ATP2B1: variants seen among roughly 807,000 people sequenced by gnomAD.
ATP2B1 encodes the protein ATPase plasma membrane Ca2+ transporting 1.
In ATP2B1, 14 loss-of-function variants were observed where a neutral mutation model predicts 124.2. That is an observed-to-expected ratio of 0.11 (90% CI 0.07 to 0.18). The LOEUF is 0.18. Ranked by LOEUF, ATP2B1 falls within the 10% of genes least tolerant of loss-of-function variation. The probability of loss-of-function intolerance (pLI) is 1.00; values close to 1 mark genes in which losing one functional copy is unlikely to be tolerated. For missense variants in ATP2B1, 763 were observed against 1,466.1 expected, an observed-to-expected ratio of 0.52 and a Z score of 7.83; for synonymous variants, 449 against 492.4, an observed-to-expected ratio of 0.91 and a Z score of 1.17.
At chr12:89,699,897 T>G (rs1036798302) in intron 1 of ATP2B1, among the ~76,000 whole-genome samples, 2 of 152,084 alleles carry the variant, frequency 1.3e-5, no homozygotes, top group African/African-American at 4.8e-5. Flanking sequence ...CAGGCTGTAG[T>G]GCTGTGGCAC....
intron 11 of ATP2B1, among the ~76,000 whole-genome samples, chr12:89,618,526 C>T (rs1011123038): frequency 4.6e-5 from 7 of 152,220 alleles, no homozygotes; most frequent in African/African-American, 1.4e-4. Flanking sequence ...AGGGTTGAAA[C>T]AGATTTCTAA....
chr12:89,683,371 A>G (rs2097352648), intron 1 of ATP2B1, among the ~76,000 whole-genome samples: 1 of 152,312 alleles, frequency 6.6e-6, no homozygotes, highest in African/African-American at 2.4e-5. Flanking sequence ...ATGGGACTTG[A>G]AGCCAGGTCA....
intron 1 of ATP2B1, among the ~76,000 whole-genome samples, chr12:89,678,532 A>T (rs1413158299): frequency 6.6e-6 from 1 of 152,204 alleles, no homozygotes; most frequent in Non-Finnish European, 1.5e-5. Flanking sequence ...AGTAGTAAAG[A>T]TGGTCACACA....
intron 15 of ATP2B1, among the ~76,000 whole-genome samples, chr12:89,605,715 C>T (rs1876709175): frequency 6.6e-6 from 1 of 152,100 alleles, no homozygotes; most frequent in Non-Finnish European, 1.5e-5. Flanking sequence ...GAAGATGATG[C>T]CACTGAATTC....
At chr12:89,674,226 A>G (rs1888342278) in intron 1 of ATP2B1, among the ~76,000 whole-genome samples, 2 of 152,156 alleles carry the variant, frequency 1.3e-5, no homozygotes, top group Admixed American at 6.6e-5. Context: ...TTTAATTACA[A>G]TTGTGGTAAG....
chr12:89,679,013 C>T (rs547862342), intron 1 of ATP2B1, among the ~76,000 whole-genome samples: 2 of 152,046 alleles, frequency 1.3e-5, no homozygotes, highest in East Asian at 3.9e-4. Flanking sequence ...GTTTGTACCT[C>T]TTGGTTTATG....
intron 3 of ATP2B1, among the ~76,000 whole-genome samples, chr12:89,640,798 A>G (rs1270126426): frequency 6.6e-6 from 1 of 151,928 alleles, no homozygotes; most frequent in Admixed American, 6.6e-5. Flanking sequence ...CCTCAAGGCC[A>G]CCTCTTGCTC....
chr12:89,675,072 C>G (rs2136562603), intron 1 of ATP2B1, among the ~76,000 whole-genome samples: 1 of 152,208 alleles, frequency 6.6e-6, no homozygotes, highest in Middle Eastern at 3.4e-3. Context: ...AAGCTGTCAC[C>G]AAAATTCTTG....
chr12:89,638,795 A>G (rs1883078825), intron 3 of ATP2B1, among the ~76,000 whole-genome samples: 1 of 152,204 alleles, frequency 6.6e-6, no homozygotes, highest in Non-Finnish European at 1.5e-5. Flanking sequence ...TGCTGTGAAA[A>G]GATTGCCACA....
intron 1 of ATP2B1, among the ~76,000 whole-genome samples, chr12:89,689,655 T>C (rs1402274961): frequency 2.0e-5 from 3 of 152,138 alleles, no homozygotes; most frequent in Admixed American, 6.6e-5. Flanking sequence ...ATACGGCTTC[T>C]TACTCCTTAT....
chr12:89,699,481 T>G (rs1891560157), intron 1 of ATP2B1, among the ~76,000 whole-genome samples: 2 of 152,086 alleles, frequency 1.3e-5, no homozygotes, highest in African/African-American at 4.8e-5. Context: ...AATAAAGAAA[T>G]AAATGGTTGA....
In ATP2B1 at chr12:89,708,737, G is replaced by C. The variant is rs1340024615; in HGVS notation, c.-363C>G. The stretch of plus-strand genomic sequence containing the variant: ...GTCCGCAGCCGGCTCGCAGGGCTCG[G>C]GGCGCCACGCGGAGGTGCAGCTGCA... On this transcript the variant is annotated 5_prime_UTR_variant, in exon 1 of 21. Coordinates refer to ENST00000428670, the MANE Select transcript of ATP2B1 (RefSeq NM_001366521.1). The C allele has an allele frequency of 2.0e-5, 3 of 152,064 alleles. No individual in the cohort carries two copies. The highest frequency in any genetic ancestry group is 7.2e-5 in the African/African-American group (3 of 41,416). 9.4% of individuals were successfully genotyped at this position (152,064 alleles called of 1,614,324 possible).
intron 1 of ATP2B1, among the ~76,000 whole-genome samples, chr12:89,691,449 T>A (rs1171981648): frequency 6.6e-6 from 1 of 152,144 alleles, no homozygotes; most frequent in East Asian, 1.9e-4. Context: ...CAGAATTGGG[T>A]TATAAGATAT....
At chr12:89,658,396 T>TA (rs1886217332) in intron 1 of ATP2B1, among the ~76,000 whole-genome samples, 1 of 152,232 alleles carries the variant, frequency 6.6e-6, no homozygotes, top group Non-Finnish European at 1.5e-5. Context: ...TTTGAATTTT[T>TA]AGGGGCAGAC....
intron 6 of ATP2B1, among the ~76,000 whole-genome samples, chr12:89,629,517 G>A (rs1052408547): frequency 3.9e-5 from 6 of 152,114 alleles, no homozygotes; most frequent in African/African-American, 7.2e-5. Flanking sequence ...CTGGATCTGC[G>A]TCCAGAATTT....
rs186789568 is a variant in ATP2B1, at chr12:89,588,906, G to C, written c.*2078C>G. 5 of 152,478 alleles carry C rather than the reference G, an allele frequency of 3.3e-5. No individual in the cohort carries two copies. The highest frequency in any genetic ancestry group is 2.9e-5 in the Non-Finnish European group (2 of 68,000). 9.4% of individuals were successfully genotyped at this position (152,478 alleles called of 1,614,324 possible). A position where few individuals can be genotyped will look rare whatever the true frequency, so the allele number is the denominator to read the frequency against. The stretch of plus-strand genomic sequence containing the variant: ...TAGGGTCAATTTTTAGAGTTGAAAG[G>C]GTTCTTCAAGATAGTCCACCACCCT... On this transcript the variant is annotated 3_prime_UTR_variant, in exon 21 of 21. Coordinates refer to ENST00000428670, the MANE Select transcript of ATP2B1 (RefSeq NM_001366521.1).
intron 1 of ATP2B1, among the ~76,000 whole-genome samples, chr12:89,670,666 G>A (rs551543960): frequency 2.6e-5 from 4 of 151,958 alleles, no homozygotes; most frequent in South Asian, 4.2e-4. Flanking sequence ...AAGCTGTGAC[G>A]GTTTTAAAAT....
intron 1 of ATP2B1, among the ~76,000 whole-genome samples, chr12:89,690,957 G>C (rs1890490017): frequency 6.6e-6 from 1 of 151,970 alleles, no homozygotes; most frequent in African/African-American, 2.4e-5. Context: ...TCAATCTTTG[G>C]GTAAATTAGG....
intron 1 of ATP2B1, among the ~76,000 whole-genome samples, chr12:89,662,200 T>C (rs761845772): frequency 1.3e-5 from 2 of 151,960 alleles, no homozygotes; most frequent in African/African-American, 2.4e-5. Flanking sequence ...AAAAAGACTA[T>C]GATCTTTCAA....
Sources: gnomAD v4.1 joint callset for allele counts (sites outside exome capture counted in the v4.1 genomes callset) on GRCh38, gnomAD v4.1.1 for gene constraint, MANE v1.5 for transcripts, NCBI Gene and HGNC (gene_info 2026-07-23, HGNC 2026-07-21) for gene names.